MXRA5: variants seen among roughly 807,000 people sequenced by gnomAD.
MXRA5 encodes the protein matrix-remodeling-associated protein 5.
A neutral mutation model predicts 112.5 loss-of-function variants in MXRA5; 41 were observed. The observed-to-expected ratio is 0.36, with a 90% CI of 0.28 to 0.47. The LOEUF is 0.47. Ranked by LOEUF, MXRA5 falls within the 20% of genes least tolerant of loss-of-function variation. The pLI, the probability that MXRA5 is intolerant of heterozygous loss-of-function variation, is 0.99. For missense variants in MXRA5, 2,150 were observed against 2,251.0 expected, an observed-to-expected ratio of 0.96 and a Z score of 0.91; for synonymous variants, 862 against 900.8, an observed-to-expected ratio of 0.96 and a Z score of 0.77.
At chrX:3,312,568 T>TC (rs1921003645) in intron 6 of MXRA5, among the ~76,000 whole-genome samples, 1 of 108,519 alleles carries the variant, frequency 9.2e-6, no homozygotes, top group African/African-American at 3.4e-5. Flanking sequence ...TTCTTTTTTT[T>TC]TTTTTTTTTT....
rs998315584 is a variant in MXRA5 at position 3,337,639 on chromosome X, T to C, written c.188+6007A>G. Among the ~76,000 whole-genome samples, 12 of 112,096 alleles carry C rather than the reference T, an allele frequency of 1.1e-4. 1 individual carries two copies. The highest frequency in any genetic ancestry group is 8.6e-4 in the Admixed American group (9 of 10,480). ...ATCTATTCATCCATGAACTGAAGTA[T>C]GTGTTAAAACAGCAATGTTGGCCAC... On this transcript the variant is annotated intron_variant, in intron 2 of 6. Coordinates refer to ENST00000217939, the MANE Select transcript of MXRA5 (RefSeq NM_015419.4).
intron 4 of MXRA5, among the ~76,000 whole-genome samples, chrX:3,325,376 AATCTTTGCACGTATCAC>A (rs1199869436): frequency 1.4e-4 from 15 of 109,341 alleles, no homozygotes; most frequent in Non-Finnish European, 1.3e-4. Context: ...TAAAAGGATG[AATCTTTGCACGTATCAC>A]ATCATATCTA....
intron 6 of MXRA5, among the ~76,000 whole-genome samples, chrX:3,316,051 T>C (rs190082503): frequency 0.13 from 2,969 of 22,250 alleles, 258 homozygotes; most frequent in African/African-American, 0.45. Context: ...GGGACAAAAT[T>C]TCATTGCAGA....
In MXRA5 at chrX:3,325,160, G is replaced by A. The variant is rs185840739; in HGVS notation, c.710-185C>T. 4.5e-5 allele frequency among the ~76,000 whole-genome samples: 5 copies of A among 111,099 alleles called. No individual in the cohort carries two copies. In the East Asian group the frequency reaches 1.4e-3, roughly 31 times the overall value. The stretch of plus-strand genomic sequence containing the variant: ...AAACCACAGTTTTAGCACACTGTGT[G>A]GTAACTAACGGGTGCTTTATAACTG... On this transcript the variant is annotated intron_variant, in intron 4 of 6. Transcript: ENST00000217939.
In MXRA5 at chrX:3,309,361, A is replaced by G; in HGVS notation, c.*355T>C. 1 of 190,001 alleles carries G rather than the reference A, an allele frequency of 5.3e-6. No homozygotes were observed. The highest frequency in any genetic ancestry group is 9.6e-6 in the Non-Finnish European group (1 of 103,848). 15.7% of individuals were successfully genotyped at this position (190,001 alleles called of 1,213,427 possible). On this transcript the variant is annotated 3_prime_UTR_variant, in exon 7 of 7. Transcript: ENST00000217939. ...GGGTAGTGAGGTGTTGTTCATGTCT[A>G]TGGCTTATTTTTGATGAATGTTCCT... is the stretch of plus-strand genomic sequence containing the variant.
At position 3,346,620 on chromosome X, in the gene MXRA5, G is replaced by C. The variant is rs45549932; in HGVS notation, c.-134C>G. Reference sequence around the variant, plus strand: ...AGTTTGCCGGGGCCATGCCCTTCCCGGGGCCGGGGGTGAGGCAGCTCGGCT... The same window carrying C: ...AGTTTGCCGGGGCCATGCCCTTCCCCGGGCCGGGGGTGAGGCAGCTCGGCT... On this transcript the variant is annotated 5_prime_UTR_variant, in exon 1 of 7. Coordinates refer to ENST00000217939, the MANE Select transcript of MXRA5 (RefSeq NM_015419.4). The C allele has an allele frequency of 1.4e-6, 1 of 715,490 alleles. No homozygotes were observed. 59.0% of individuals were successfully genotyped at this position (715,490 alleles called of 1,213,427 possible).
At chrX:3,346,186 T>G (rs1922104202) in intron 1 of MXRA5, among the ~76,000 whole-genome samples, 1 of 111,002 alleles carries the variant, frequency 9.0e-6, no homozygotes, top group Non-Finnish European at 1.9e-5. Context: ...GATGGCGGGG[T>G]TGAAGGTCTC....
In MXRA5 at chrX:3,324,563, A is replaced by G; in HGVS notation, c.1122T>C (p.Tyr374=). The change falls in exon 5 of 7, where the codon TAT becomes TAC. Residue 374 remains tyrosine (Y), a synonymous_variant. Transcript: ENST00000217939. The part of the protein sequence containing the change: ...DFECPMTREN[Y]EKLWKLIAYY... ...ATGCTATCAATTTCCATAGCTTTTCATAGTTTTCTCGGGTCATTGGACACT... is the reference window on the plus strand; with the variant it reads ...ATGCTATCAATTTCCATAGCTTTTCGTAGTTTTCTCGGGTCATTGGACACT... The G allele has an allele frequency of 5.0e-6, 6 of 1,211,175 alleles. No individual in the cohort carries two copies. The highest frequency in any genetic ancestry group is 5.6e-6 in the Non-Finnish European group (5 of 895,289).
intron 2 of MXRA5, among the ~76,000 whole-genome samples, chrX:3,331,362 T>A (rs1301422384): frequency 1.8e-5 from 2 of 112,318 alleles, no homozygotes; most frequent in Non-Finnish European, 3.8e-5. Flanking sequence ...GAATATGCTG[T>A]TGTGGTCAGG....
At chrX:3,329,858 G>A (rs1205277571) in intron 4 of MXRA5, among the ~76,000 whole-genome samples, 160 bp downstream of exon 4, 3 of 111,937 alleles carry the variant, frequency 2.7e-5, no homozygotes, top group Admixed American at 9.5e-5. Context: ...AAGTGGTAAC[G>A]TTTAAAGTCT....
chrX:3,317,653 G>T lies in MXRA5; in HGVS notation c.6028C>A (p.Leu2010Ile), dbSNP rs760533583. Residue 2010 changes from leucine (L) to isoleucine (I), a missense_variant, in exon 6 of 7, where the codon CTT becomes ATT. Coordinates refer to ENST00000217939, the MANE Select transcript of MXRA5 (RefSeq NM_015419.4). ...GRITLHENRTLSIKEASFSDR... is the reference protein window; with the variant it reads ...GRITLHENRTISIKEASFSDR... ...GAGAAGGACGCCTCCTTGATGGAAA[G>T]GGTCCGGTTTTCGTGCAGGGTGATG... 1 of 1,205,891 alleles carries T rather than the reference G, an allele frequency of 8.3e-7. No individual in the cohort carries two copies.
chrX:3,313,220 G>A (rs1031965058), intron 6 of MXRA5, among the ~76,000 whole-genome samples: 30 of 112,530 alleles, frequency 2.7e-4, no homozygotes, highest in African/African-American at 9.4e-4. Flanking sequence ...CCTGTGCATC[G>A]TGAGAGATTC....
intron 4 of MXRA5, among the ~76,000 whole-genome samples, chrX:3,327,567 A>G (rs1921542784): frequency 8.9e-6 from 1 of 112,473 alleles, no homozygotes; most frequent in Non-Finnish European, 1.9e-5. Flanking sequence ...ACATAAGATA[A>G]TGTCTGGCAG....
Position 3,310,324 on chromosome X carries a change from T to G in MXRA5, c.7879A>C (p.Arg2627=), listed in dbSNP as rs1569179950. The change falls in exon 7 of 7, where the codon AGG becomes CGG. Residue 2627 remains arginine, a synonymous_variant. Coordinates refer to ENST00000217939, the MANE Select transcript of MXRA5 (RefSeq NM_015419.4). ...AGTCCCACCTTCAGGGAGACCAGCC[T>G]CTCCGTGTGGCCAGCGGCATTGCGG... ...VARNAAGHTE[R]LVSLKVGLKP... 8.3e-7 allele frequency: 1 copy of G among 1,203,916 alleles called. No homozygotes were observed. The highest frequency in any genetic ancestry group is 3.0e-5 in the East Asian group (1 of 33,742).
chrX:3,324,114 G>A lies in MXRA5; in HGVS notation c.1571C>T (p.Pro524Leu). The change falls in exon 5 of 7, where the codon CCC (proline) becomes CTC (leucine). Residue 524 changes from proline (P) to leucine (L), a missense_variant. Transcript: ENST00000217939. ...VLPDGSILKAPMDDPDSKFSI... is the reference protein window; with the variant it reads ...VLPDGSILKALMDDPDSKFSI... ...GAACTTGCTGTCTGGGTCATCCATG[G>A]GCGCTTTCAGGATGGAGCCATCTGG... is the stretch of plus-strand genomic sequence containing the variant. The A allele has an allele frequency of 8.3e-7, 1 of 1,210,735 alleles. No individual in the cohort carries two copies. Among genetic ancestry groups the A allele is most frequent in the Non-Finnish European group, 1.1e-6 (1 of 895,188 alleles).
rs770867087 is a variant in MXRA5 at position 3,310,860 on chromosome X, G to C, written c.7343C>G (p.Pro2448Arg). 1 of 1,211,006 alleles carries C rather than the reference G, an allele frequency of 8.3e-7. No individual in the cohort carries two copies. Among genetic ancestry groups the C allele is most frequent in the East Asian group, 3.0e-5 (1 of 33,810 alleles). ...TGCTATCTCCCGCACAGTGGTGATG[G>C]GGTTGGGGTTACCGTTGATCTTGGG... is the stretch of plus-strand genomic sequence containing the variant. Reference protein sequence around the residue: ...QPPKINGNPNPITTVREIAAG... With the variant: ...QPPKINGNPNRITTVREIAAG... The change falls in exon 7 of 7, where the codon CCC becomes CGC. Residue 2448 changes from proline to arginine, a missense_variant. Pro to Arg is a moderately radical substitution (Grantham distance 103). Transcript: ENST00000217939.
At chrX:3,325,429 T>C (rs1464667177) in intron 4 of MXRA5, among the ~76,000 whole-genome samples, 4 of 99,331 alleles carry the variant, frequency 4.0e-5, no homozygotes, top group African/African-American at 1.4e-4. Context: ...CATCTTGATA[T>C]ATATACCAAT....
intron 2 of MXRA5, among the ~76,000 whole-genome samples, chrX:3,337,205 C>T (rs1015401550): frequency 9.0e-6 from 1 of 111,531 alleles, no homozygotes; most frequent in Non-Finnish European, 1.9e-5. Context: ...AAGAATATTC[C>T]GTGGTGGACA....
chrX:3,317,270 C>A lies in MXRA5; in HGVS notation c.6411G>T (p.Leu2137=). 1 of 1,209,336 alleles carries A rather than the reference C, an allele frequency of 8.3e-7. No homozygotes were observed. The highest frequency in any genetic ancestry group is 1.1e-6 in the Non-Finnish European group (1 of 894,363). ...LVGSARRTVQ[L]NVQRAAANAR... ...CGTTGGCTGCTGCACGCTGCACGTTCAGCTGCACCGTCCTGCGCGCGGAGC... is the reference window on the plus strand; with the variant it reads ...CGTTGGCTGCTGCACGCTGCACGTTAAGCTGCACCGTCCTGCGCGCGGAGC... The change falls in exon 6 of 7, where the codon CTG becomes CTT. Residue 2137 remains leucine (L), a synonymous_variant. Transcript: ENST00000217939.
Sources: allele counts gnomAD v4.1 joint callset (sites outside exome capture counted in the v4.1 genomes callset), GRCh38; gene constraint gnomAD v4.1.1; transcripts MANE v1.5; gene names NCBI Gene and HGNC (gene_info 2026-07-23, HGNC 2026-07-21).